The following CCPG1 variants were observed in gnomAD, a reference collection of about 807,000 sequenced individuals.
The protein encoded by CCPG1 is cell cycle progression protein 1.
Under a neutral mutation model 81.3 loss-of-function variants are expected in CCPG1, and 46 were observed. The ratio of observed to expected loss-of-function variants is 0.57; its 90% CI spans 0.45 to 0.72. The LOEUF (loss-of-function observed/expected upper bound fraction) is 0.72. Among genes scored for constraint, CCPG1 ranks in the 30% least tolerant of loss-of-function variants. CCPG1 has a pLI of 0.00. For missense variants in CCPG1, 902 were observed against 937.6 expected (o/e 0.96, Z 0.50); for synonymous variants, 330 against 305.2 (o/e 1.08, Z -0.85).
At position 55,360,807 on chromosome 15, in the gene CCPG1, G is replaced by A; in HGVS notation, c.966C>T (p.Ser322=). The change falls in exon 8 of 9, where the codon TCC becomes TCT. Residue 322 remains serine, a synonymous_variant. Transcript: ENST00000442196. The part of the protein sequence containing the change: ...VSLEKEEKAL[S]SLQEELNKLR... Reference sequence around the variant, plus strand: ...GTTTGTTTAACTCTTCCTGTAATGAGGATAAGGCTTTTTCTTCCTTCTCCA... The same window carrying A: ...GTTTGTTTAACTCTTCCTGTAATGAAGATAAGGCTTTTTCTTCCTTCTCCA... The A allele has an allele frequency of 6.2e-7, 1 of 1,612,406 alleles. No homozygotes were observed. Among genetic ancestry groups the A allele is most frequent in the Non-Finnish European group, 8.5e-7 (1 of 1,179,488 alleles).
rs576264607 is a variant in CCPG1, at chr15:55,371,815, G to A, written c.684C>T (p.Ser228=). ...CVILALVIAI[S]MGFGHFYGTI... ...TACCATAGAAATGGCCAAATCCCAT[G>A]CTGATTGCAATCACCAAAGCAAGTA... The change falls in exon 6 of 9, where the codon AGC becomes AGT. Residue 228 remains serine, a synonymous_variant. Transcript: ENST00000442196. The A allele has an allele frequency of 2.9e-5, 46 of 1,613,904 alleles. No individual in the cohort carries two copies. Among genetic ancestry groups the A allele is most frequent in the Admixed American group, 2.7e-4 (16 of 59,978 alleles).
At chr15:55,395,704 T>C (rs1479914244) in intron 1 of CCPG1, among the ~76,000 whole-genome samples, 4 of 152,136 alleles carry the variant, frequency 2.6e-5, no homozygotes, top group African/African-American at 9.7e-5. Context: ...TTTCTGCATC[T>C]GGCACTTAAT....
At chr15:55,377,839 G>A (rs1003990626) in intron 4 of CCPG1, among the ~76,000 whole-genome samples, 3 of 152,188 alleles carry the variant, frequency 2.0e-5, no homozygotes, top group African/African-American at 4.8e-5. Context: ...AAACTTCCCA[G>A]CCTCTATAAT....
chr15:55,357,830 C>G (rs1048537804), intron 8 of CCPG1: 2 of 152,048 alleles, frequency 1.3e-5, no homozygotes, highest in African/African-American at 4.8e-5. Flanking sequence ...GCCTGGCTGA[C>G]AAAGCAAGAT....
rs750144952 is a variant in CCPG1 at position 55,355,289 on chromosome 15, A to G, written c.*931T>C. 3 of 1,605,312 alleles carry G rather than the reference A, an allele frequency of 1.9e-6. No homozygotes were observed. Among genetic ancestry groups the G allele is most frequent in the Non-Finnish European group, 2.6e-6 (3 of 1,175,212 alleles). ...TTAAACATTTATTTGCTTCTAGGAAATAAGCGCTTTCCTAATTTCAAGCAA... is the reference window on the plus strand; with the variant it reads ...TTAAACATTTATTTGCTTCTAGGAAGTAAGCGCTTTCCTAATTTCAAGCAA... On this transcript the variant is annotated 3_prime_UTR_variant, in exon 9 of 9. Coordinates refer to ENST00000442196, the MANE Select transcript of CCPG1 (RefSeq NM_001204450.2).
At position 55,376,952 on chromosome 15, in the gene CCPG1, T is replaced by C; in HGVS notation, c.451A>G (p.Thr151Ala). 1.2e-6 allele frequency: 2 copies of C among 1,611,226 alleles called. No individual in the cohort carries two copies. Among genetic ancestry groups the C allele is most frequent in the Non-Finnish European group, 1.7e-6 (2 of 1,178,446 alleles). ...TCTCTTATCAGTGTATTCTTACCAGTTTCTGGCTGACAGAAAGTATACTGG... is the reference window on the plus strand; with the variant it reads ...TCTCTTATCAGTGTATTCTTACCAGCTTCTGGCTGACAGAAAGTATACTGG... ...SSQYTFCQPE[T>A]VFSSQPSDDE... Residue 151 changes from threonine to alanine, a missense_variant, in exon 5 of 9, where the codon ACT (threonine) becomes GCT (alanine). Transcript: ENST00000442196.
intron 1 of CCPG1, among the ~76,000 whole-genome samples, chr15:55,404,133 G>C (rs910101037): frequency 3.9e-5 from 6 of 151,954 alleles, no homozygotes; most frequent in African/African-American, 1.4e-4. Flanking sequence ...AAAATTATAA[G>C]GTAAAAAATA....
intron 5 of CCPG1, among the ~76,000 whole-genome samples, chr15:55,373,228 C>G (rs1031418452): frequency 3.3e-5 from 5 of 152,138 alleles, no homozygotes; most frequent in Non-Finnish European, 4.4e-5. Context: ...ATTATGTTGA[C>G]ACAGAAGCTT....
rs1030213357 is a variant in CCPG1, at chr15:55,374,065, A to G, written c.455-2021T>C. On this transcript the variant is annotated intron_variant, in intron 5 of 8. Transcript: ENST00000442196. Reference sequence around the variant, plus strand: ...ACACCTGTTTAGAGTATTGCGGATGACAACAGGTATCTTTAAAGCACTCGG... The same window carrying G: ...ACACCTGTTTAGAGTATTGCGGATGGCAACAGGTATCTTTAAAGCACTCGG... The G allele has an allele frequency of 7.6e-6, 5 of 656,454 alleles. No individual in the cohort carries two copies. The African/African-American group carries it at 9.3e-5, about 12-fold the overall frequency. 40.7% of individuals were successfully genotyped at this position (656,454 alleles called of 1,614,324 possible).
chr15:55,372,390 G>C (rs2141270270), intron 5 of CCPG1: 1 of 267,512 alleles, frequency 3.7e-6, no homozygotes, highest in African/African-American at 2.3e-5. Flanking sequence ...GCCAGGAGCA[G>C]TGGCTCACGC....
rs1197384999 is a variant in CCPG1, at chr15:55,367,130, T to G, written c.707-1821A>C. On this transcript the variant is annotated intron_variant, in intron 6 of 8. Coordinates refer to ENST00000442196, the MANE Select transcript of CCPG1 (RefSeq NM_001204450.2). Reference sequence around the variant, plus strand: ...TGTGTTAGAATTCATTTCCTCTCTTTAGATTTCTCAATTTATAGAAGCACG... The same window carrying G: ...TGTGTTAGAATTCATTTCCTCTCTTGAGATTTCTCAATTTATAGAAGCACG... Among the ~76,000 whole-genome samples the G allele has an allele frequency of 3.3e-5, 5 of 152,190 alleles. No individual in the cohort carries two copies. In the East Asian group the frequency reaches 9.6e-4, roughly 29 times the overall value.
chr15:55,386,735 A>C (rs1182897431), intron 2 of CCPG1, among the ~76,000 whole-genome samples: 5 of 142,610 alleles, frequency 3.5e-5, no homozygotes, highest in African/African-American at 1.2e-4. Context: ...TCTACTAAAA[A>C]TACAAAAAAA....
chr15:55,392,864 G>T (rs752450352), intron 1 of CCPG1, among the ~76,000 whole-genome samples: 7 of 152,086 alleles, frequency 4.6e-5, no homozygotes, highest in Non-Finnish European at 7.3e-5. Flanking sequence ...CAGCACTTTG[G>T]GAGGCCAAGG....
At position 55,360,564 on chromosome 15, in the gene CCPG1, T is replaced by C. The variant is rs942735709; in HGVS notation, c.1209A>G (p.Leu403=). ...TTALRGELQQ[L]SGSQLHGKSD... is the part of the protein sequence containing the mutation. ...ACTTGCCATGTAACTGACTACCACT[T>C]AACTGCTGGAGTTCCCCCCTTAAAG... is the stretch of plus-strand genomic sequence containing the variant. The change falls in exon 8 of 9, where the codon TTA becomes TTG. Residue 403 remains leucine, a synonymous_variant. Transcript: ENST00000442196. 9 of 1,614,064 alleles carry C rather than the reference T, an allele frequency of 5.6e-6. No individual in the cohort carries two copies. The highest frequency in any genetic ancestry group is 3.3e-5 in the South Asian group (3 of 91,078).
At chr15:55,364,030 C>T (rs1181171480) in intron 7 of CCPG1, among the ~76,000 whole-genome samples, 1 of 150,124 alleles carries the variant, frequency 6.7e-6, no homozygotes, top group African/African-American at 2.4e-5. Flanking sequence ...TCTTGAACTC[C>T]TGGGCTCAAG....
At chr15:55,392,617 C>A (rs1377149639) in intron 1 of CCPG1, among the ~76,000 whole-genome samples, 1 of 151,280 alleles carries the variant, frequency 6.6e-6, no homozygotes, top group East Asian at 2.0e-4. Context: ...ACCTCCCAGG[C>A]TCAAGCTACC....
intron 1 of CCPG1, among the ~76,000 whole-genome samples, chr15:55,390,761 G>C (rs1304727377): frequency 1.3e-5 from 2 of 148,726 alleles, no homozygotes; most frequent in African/African-American, 5.1e-5. Context: ...TTCAAAAAGA[G>C]AGGATACAAA....
intron 1 of CCPG1, among the ~76,000 whole-genome samples, chr15:55,393,207 G>T (rs2056956166): frequency 6.6e-6 from 1 of 152,170 alleles, no homozygotes; most frequent in Non-Finnish European, 1.5e-5. Flanking sequence ...GGCTGAGGTG[G>T]GAGGATCACT....
intron 3 of CCPG1, among the ~76,000 whole-genome samples, chr15:55,383,532 A>C (rs1333374269): frequency 6.6e-6 from 1 of 152,228 alleles, no homozygotes; most frequent in Non-Finnish European, 1.5e-5. Context: ...TGTAGTTAGG[A>C]AAGTCCTAGA....
Sources: gnomAD v4.1 joint callset for allele counts (sites outside exome capture counted in the v4.1 genomes callset) on GRCh38, gnomAD v4.1.1 for gene constraint, MANE v1.5 for transcripts, NCBI Gene and HGNC (gene_info 2026-07-23, HGNC 2026-07-21) for gene names.